The following SCUBE1 variants were observed in gnomAD, a reference collection of about 807,000 sequenced individuals.
SCUBE1 encodes the protein signal peptide, CUB and EGF-like domain-containing protein 1.
Under a neutral mutation model 124.4 loss-of-function variants are expected in SCUBE1, and 59 were observed. The ratio of observed to expected loss-of-function variants is 0.47; its 90% CI spans 0.38 to 0.59. SCUBE1 has a LOEUF of 0.59. Among genes scored for constraint, SCUBE1 ranks in the 20% least tolerant of loss-of-function variants. The pLI, the probability that SCUBE1 is intolerant of heterozygous loss-of-function variation, is 0.00. For synonymous variants in SCUBE1, 545 were observed against 550.9 expected (o/e 0.99, Z 0.15); for missense variants, 1,150 against 1,371.2 (o/e 0.84, Z 2.55).
rs1033435898 is a variant in SCUBE1 at position 43,340,262 on chromosome 22, G to T, written c.89-1027C>A. ...ATCCATGGTTCTGACTCCCCACATG[G>T]TCCTCCCTCCTCGGAAATCCACACG... On this transcript the variant is annotated intron_variant, in intron 1 of 21. Transcript: ENST00000360835. Among the ~76,000 whole-genome samples the T allele has an allele frequency of 5.3e-5, 8 of 152,036 alleles. 1 individual carries two copies. Among genetic ancestry groups the T allele is most frequent in the Admixed American group, 1.3e-4 (2 of 15,286 alleles).
chr22:43,252,239 A>T (rs1923480462), intron 6 of SCUBE1, among the ~76,000 whole-genome samples: 2 of 152,196 alleles, frequency 1.3e-5, no homozygotes. Flanking sequence ...CTCCGGCCAC[A>T]TTCTAGACTT....
In SCUBE1 at chr22:43,292,264, C is replaced by T. The variant is rs530684641; in HGVS notation, c.350-1084G>A. Among the ~76,000 whole-genome samples the T allele has an allele frequency of 3.2e-4, 48 of 152,246 alleles. No individual in the cohort carries two copies. The South Asian group carries it at 6.4e-3, about 20-fold the overall frequency. ...TGTGGAAGGCTGCCAAGTGGTCTTT[C>T]CCACTCTCGGGGAGAGGCAGACCTC... On this transcript the variant is annotated intron_variant, in intron 3 of 21. Coordinates refer to ENST00000360835, the MANE Select transcript of SCUBE1 (RefSeq NM_173050.5).
In SCUBE1 at chr22:43,211,394, G is replaced by A. The variant is rs1372987823; in HGVS notation, c.2222-311C>T. Among the ~76,000 whole-genome samples, 1 of 152,264 alleles carries A rather than the reference G, an allele frequency of 6.6e-6. No individual in the cohort carries two copies. The highest frequency in any genetic ancestry group is 2.4e-5 in the African/African-American group (1 of 41,552). ...ATGATGTGGCCGGAGGCGTGCGGGG[G>A]AGACAGGGAGGAGGGGAAGTGGAGC... On this transcript the variant is annotated intron_variant, in intron 17 of 21. Transcript: ENST00000360835. This position sits in a 1 kb window ranked among gnomAD's most constrained non-coding sequence, Gnocchi z 4.5.
chr22:43,331,277 T>G (rs1926895187), intron 2 of SCUBE1, among the ~76,000 whole-genome samples: 1 of 152,176 alleles, frequency 6.6e-6, no homozygotes, highest in Admixed American at 6.5e-5. Flanking sequence ...CATGCTAATT[T>G]TGTGATATCT....
intron 4 of SCUBE1, among the ~76,000 whole-genome samples, chr22:43,265,024 T>C (rs1485504227): frequency 6.6e-6 from 1 of 152,214 alleles, no homozygotes; most frequent in East Asian, 1.9e-4. Flanking sequence ...AGGGCCCTTG[T>C]TTGGCAAAGG....
At chr22:43,205,559 C>T (rs1198816171) in intron 21 of SCUBE1, among the ~76,000 whole-genome samples, 1 of 151,752 alleles carries the variant, frequency 6.6e-6, no homozygotes, top group Non-Finnish European at 1.5e-5. Flanking sequence ...ACACTCATCT[C>T]TGTGTACACA....
chr22:43,254,687 G>A (rs570336715), intron 6 of SCUBE1, among the ~76,000 whole-genome samples: 2 of 152,366 alleles, frequency 1.3e-5, no homozygotes, highest in South Asian at 4.1e-4. Flanking sequence ...TGAGAGCCAT[G>A]AAGAAGGTCG....
intron 7 of SCUBE1, among the ~76,000 whole-genome samples, chr22:43,236,319 G>T (rs987544571): frequency 2.6e-5 from 4 of 152,228 alleles, no homozygotes; most frequent in Admixed American, 6.5e-5. Flanking sequence ...CCTGTGGGCA[G>T]TTCTAGCCAG....
At chr22:43,220,297 C>A (rs1450063395) in intron 14 of SCUBE1, among the ~76,000 whole-genome samples, 153 bp downstream of exon 14, 1 of 152,184 alleles carries the variant, frequency 6.6e-6, no homozygotes, top group Non-Finnish European at 1.5e-5. Context: ...TGCTTGTGGG[C>A]CTGCCTCTGT....
intron 2 of SCUBE1, among the ~76,000 whole-genome samples, chr22:43,337,126 C>T (rs1927108665): frequency 6.6e-6 from 1 of 152,132 alleles, no homozygotes; most frequent in Admixed American, 6.5e-5. Flanking sequence ...ATCTTCATAC[C>T]CAGCAGGACA....
In SCUBE1 at chr22:43,211,159, G is replaced by A. The variant is rs558821947; in HGVS notation, c.2222-76C>T. 6 of 1,460,066 alleles carry A rather than the reference G, an allele frequency of 4.1e-6. 1 individual carries two copies. The South Asian group carries it at 7.4e-5, about 18-fold the overall frequency. The allele number at this position is 1,460,066 out of a possible 1,614,324, so 90.4% of individuals were successfully genotyped here. On this transcript the variant is annotated intron_variant, in intron 17 of 21. Transcript: ENST00000360835. The surrounding 1 kb of genome is among the most constrained non-coding windows in gnomAD (Gnocchi z 4.5). ...GGGCAGCACTGGGGTGCTGTCCCCA[G>A]GACCTCTCATGCCCTCGAGGTCTGT...
chr22:43,308,798 T>C (rs1485650769), intron 3 of SCUBE1, among the ~76,000 whole-genome samples: 5 of 152,182 alleles, frequency 3.3e-5, no homozygotes, highest in African/African-American at 1.2e-4. Flanking sequence ...CTTGGCAGCC[T>C]CAAGTGCCAC....
Position 43,227,458 on chromosome 22 carries a change from G to A in SCUBE1, c.1123C>T (p.Gln375Ter). 1 of 1,613,152 alleles carries A rather than the reference G, an allele frequency of 6.2e-7. No individual in the cohort carries two copies. The highest frequency in any genetic ancestry group is 8.5e-7 in the Non-Finnish European group (1 of 1,179,920). Residue 375 changes from glutamine to a stop codon, truncating the protein, a stop_gained, in exon 10 of 22, where the codon CAG (glutamine) becomes TAG (stop). Coordinates refer to ENST00000360835, the MANE Select transcript of SCUBE1 (RefSeq NM_173050.5). LOFTEE classifies it high-confidence loss of function. ...CTGCCCTTGGTGTTGACGCAGCCCT[G>A]GTCACAGCTCCCGTTGCTCATGCTG... ...ECSMSNGSCD[Q>*]GCVNTKGSYE...
intron 3 of SCUBE1, among the ~76,000 whole-genome samples, chr22:43,311,061 G>T (rs1376998906): frequency 6.6e-6 from 1 of 152,184 alleles, no homozygotes; most frequent in African/African-American, 2.4e-5. Flanking sequence ...TTATAGGTGT[G>T]AGCCACCAAG....
chr22:43,207,403 C>T (rs1921334299), intron 21 of SCUBE1, 131 bp downstream of exon 21: 1 of 714,348 alleles, frequency 1.4e-6, no homozygotes, highest in East Asian at 2.7e-5. Context: ...CCCCAAGCCT[C>T]CTGCTCCTCT....
chr22:43,215,175 G>C (rs769021663), intron 15 of SCUBE1, among the ~76,000 whole-genome samples: 1 of 152,254 alleles, frequency 6.6e-6, no homozygotes, highest in Non-Finnish European at 1.5e-5. Context: ...GGGATGGAGA[G>C]TGTCAGTTGG....
Position 43,234,580 on chromosome 22 carries a change from G to C in SCUBE1, c.845-2705C>G, listed in dbSNP as rs1394655474. On this transcript the variant is annotated intron_variant, in intron 7 of 21. Transcript: ENST00000360835. The surrounding 1 kb of genome is among the most constrained non-coding windows in gnomAD (Gnocchi z 4.4). ...TAGCTGGCTGCCTGGGGGTCAGGAT[G>C]GAGGGAAGCCCCCTCCTCACACTAC... is the stretch of plus-strand genomic sequence containing the variant. 1.3e-5 allele frequency among the ~76,000 whole-genome samples: 2 copies of C among 152,196 alleles called. No homozygotes were observed. Among genetic ancestry groups the C allele is most frequent in the Non-Finnish European group, 2.9e-5 (2 of 68,038 alleles).
Position 43,197,707 on chromosome 22 carries a change from G to A in SCUBE1, c.*6290C>T, listed in dbSNP as rs538274099. 1 of 152,448 alleles carries A rather than the reference G, an allele frequency of 6.6e-6. No individual in the cohort carries two copies. Among genetic ancestry groups the A allele is most frequent in the South Asian group, 2.1e-4 (1 of 4,832 alleles). The allele number at this position is 152,448 out of a possible 1,614,324, so 9.4% of individuals were successfully genotyped here. ...GTGCCGGGGCCTCCCCAAGAGCAGT[G>A]GGGACACTCGGCAAGGGCACTTGAG... On this transcript the variant is annotated 3_prime_UTR_variant, in exon 22 of 22. Coordinates refer to ENST00000360835, the MANE Select transcript of SCUBE1 (RefSeq NM_173050.5).
chr22:43,334,312 A>G (rs553640144), intron 2 of SCUBE1, among the ~76,000 whole-genome samples: 4 of 152,344 alleles, frequency 2.6e-5, no homozygotes, highest in African/African-American at 9.6e-5. Flanking sequence ...ATAAGCAGCC[A>G]TCTGTGAATG....
Sources: allele counts gnomAD v4.1 joint callset (sites outside exome capture counted in the v4.1 genomes callset), GRCh38; gene constraint gnomAD v4.1.1; non-coding constraint Gnocchi (gnomAD v3.1); transcripts MANE v1.5; gene names NCBI Gene and HGNC (gene_info 2026-07-23, HGNC 2026-07-21).